The following SPIDR variants were observed in gnomAD, a reference collection of about 807,000 sequenced individuals.
The protein encoded by SPIDR is DNA repair-scaffolding protein.
SPIDR carries 93 observed loss-of-function variants against 104.6 expected under a neutral mutation model. The observed-to-expected ratio is 0.89, with a 90% CI of 0.75 to 1.06. The LOEUF is 1.06. Among genes scored for constraint, SPIDR ranks in the 50% least tolerant of loss-of-function variants. SPIDR has a pLI of 0.00. For synonymous variants in SPIDR, 431 were observed against 416.9 expected (o/e 1.03, Z -0.41); for missense variants, 1,154 against 1,111.2 (o/e 1.04, Z -0.55).
At chr8:47,305,231 A>G (rs1323978487) in intron 5 of SPIDR, among the ~76,000 whole-genome samples, 1 of 152,214 alleles carries the variant, frequency 6.6e-6, no homozygotes, top group Non-Finnish European at 1.5e-5. Flanking sequence ...GAACTTTGTT[A>G]TGTCATTCTT....
chr8:47,633,361 G>T (rs1219470740), intron 10 of SPIDR, among the ~76,000 whole-genome samples: 2 of 152,084 alleles, frequency 1.3e-5, no homozygotes, highest in East Asian at 3.9e-4. Context: ...TGCTTTTGTT[G>T]ACTGTGTGGG....
At chr8:47,453,894 G>C (rs1239484129) in intron 8 of SPIDR, among the ~76,000 whole-genome samples, 2 of 152,168 alleles carry the variant, frequency 1.3e-5, no homozygotes. Context: ...ATTATCACTA[G>C]CTATCAGAGA....
intron 2 of SPIDR, among the ~76,000 whole-genome samples, chr8:47,282,708 C>A (rs2038030864): frequency 6.6e-6 from 1 of 152,234 alleles, no homozygotes; most frequent in South Asian, 2.1e-4. Context: ...TGTGTATTCA[C>A]TGGAGTAGCA....
intron 8 of SPIDR, among the ~76,000 whole-genome samples, chr8:47,474,420 G>A (rs2076059872): frequency 6.6e-6 from 1 of 152,140 alleles, no homozygotes; most frequent in Admixed American, 6.5e-5. Context: ...ATAATGCAAA[G>A]GGTATAAATG....
chr8:47,578,552 A>G (rs2059379352), intron 8 of SPIDR, among the ~76,000 whole-genome samples: 1 of 152,200 alleles, frequency 6.6e-6, no homozygotes, highest in South Asian at 2.1e-4. Flanking sequence ...ACTCAGCCAT[A>G]GCGCTATGCT....
At chr8:47,355,209 G>A (rs1414616583) in intron 5 of SPIDR, among the ~76,000 whole-genome samples, 2 of 150,512 alleles carry the variant, frequency 1.3e-5, no homozygotes, top group African/African-American at 2.5e-5. Flanking sequence ...ACCCACCTTG[G>A]CCTCCCAAAG....
intron 10 of SPIDR, among the ~76,000 whole-genome samples, chr8:47,621,511 C>T (rs2065169925): frequency 6.6e-6 from 1 of 152,192 alleles, no homozygotes; most frequent in Non-Finnish European, 1.5e-5. Flanking sequence ...GTGCGCGCCT[C>T]TCTCTTGATG....
chr8:47,557,870 GT>G (rs1402805349), intron 8 of SPIDR, among the ~76,000 whole-genome samples: 1 of 152,086 alleles, frequency 6.6e-6, no homozygotes, highest in Non-Finnish European at 1.5e-5. Context: ...GGGCTTTACT[GT>G]TATTCACAAT....
rs1047586408 is a variant in SPIDR, at chr8:47,615,353, G to C, written c.1544+16157G>C. ...TACTCCTGTGTTTTTGTTCAAGAAT[G>C]TTACAGTTTTAGCCTGTGTATGCAT... On this transcript the variant is annotated intron_variant, in intron 10 of 19. Coordinates refer to ENST00000297423, the MANE Select transcript of SPIDR (RefSeq NM_001080394.4). Among the ~76,000 whole-genome samples the C allele has an allele frequency of 5.3e-5, 8 of 151,892 alleles. No individual in the cohort carries two copies. The South Asian group carries it at 1.0e-3, about 20-fold the overall frequency.
At chr8:47,565,917 C>G (rs181243081) in intron 8 of SPIDR, among the ~76,000 whole-genome samples, 2 of 134,084 alleles carry the variant, frequency 1.5e-5, no homozygotes, top group East Asian at 4.7e-4. Flanking sequence ...AACTATATAA[C>G]CACCATATAC....
intron 8 of SPIDR, among the ~76,000 whole-genome samples, chr8:47,459,957 T>C (rs1329839605): frequency 1.3e-5 from 2 of 152,214 alleles, no homozygotes; most frequent in African/African-American, 4.8e-5. Context: ...AAGGTTCCTT[T>C]TGGAGTTGAT....
intron 8 of SPIDR, among the ~76,000 whole-genome samples, chr8:47,559,148 A>G (rs1463059468): frequency 6.6e-6 from 1 of 152,208 alleles, no homozygotes; most frequent in African/African-American, 2.4e-5. Flanking sequence ...GTGTTCCTTT[A>G]AACAGTCAAC....
In SPIDR at chr8:47,440,478, A is replaced by G. The variant is rs781941952; in HGVS notation, c.1033A>G (p.Thr345Ala). 3.1e-6 allele frequency: 5 copies of G among 1,614,234 alleles called. No homozygotes were observed. Among genetic ancestry groups the G allele is most frequent in the Non-Finnish European group, 4.2e-6 (5 of 1,180,028 alleles). Residue 345 changes from threonine (T) to alanine (A), a missense_variant, in exon 8 of 20, where the codon ACC becomes GCC. By Grantham distance (58) the Thr-to-Ala change is moderately conservative. Transcript: ENST00000297423. ...RPGAGLKVLF[T>A]KETAGYLRGR... is the part of the protein sequence containing the mutation. ...TGGAGCTGGCCTGAAAGTTCTCTTC[A>G]CCAAGGAGACTGCAGGCTACCTCAG...
chr8:47,480,589 C>T (rs570442495), intron 8 of SPIDR, among the ~76,000 whole-genome samples: 3 of 152,308 alleles, frequency 2.0e-5, no homozygotes, highest in Admixed American at 6.5e-5. Context: ...TGAACAGCTT[C>T]GTTCATATAA....
At chr8:47,521,965 AC>A (rs1171050975) in intron 8 of SPIDR, among the ~76,000 whole-genome samples, 3 of 151,206 alleles carry the variant, frequency 2.0e-5, no homozygotes, top group Non-Finnish European at 2.9e-5. Context: ...GGAGTTCGAG[AC>A]CAGCCTGGCC....
At chr8:47,570,243 AT>A (rs1237901133) in intron 8 of SPIDR, among the ~76,000 whole-genome samples, 13 of 152,242 alleles carry the variant, frequency 8.5e-5, no homozygotes, top group Admixed American at 5.9e-4. Context: ...AATGAAATGT[AT>A]TAGAAAGCCC....
intron 11 of SPIDR, among the ~76,000 whole-genome samples, chr8:47,699,936 T>C (rs1044689105): frequency 1.3e-5 from 2 of 152,192 alleles, no homozygotes; most frequent in African/African-American, 4.8e-5. Flanking sequence ...AGAAAGTAAA[T>C]ATCACCTCCA....
intron 15 of SPIDR, 174 bp downstream of exon 15, chr8:47,713,046 C>T: frequency 3.6e-6 from 5 of 1,373,878 alleles, no homozygotes; most frequent in South Asian, 1.8e-5. Context: ...CCTGTAGCAG[C>T]CACCTGGGCA....
intron 8 of SPIDR, among the ~76,000 whole-genome samples, chr8:47,449,401 G>A (rs1370782897): frequency 6.6e-6 from 1 of 152,156 alleles, no homozygotes; most frequent in Non-Finnish European, 1.5e-5. Flanking sequence ...AGCTCGTCTG[G>A]GTTTTTAGTA....
Sources: allele counts gnomAD v4.1 joint callset (sites outside exome capture counted in the v4.1 genomes callset), GRCh38; gene constraint gnomAD v4.1.1; transcripts MANE v1.5; gene names NCBI Gene and HGNC (gene_info 2026-07-23, HGNC 2026-07-21).